The following KBTBD2 variants were observed in gnomAD, a reference collection of about 807,000 sequenced individuals.
The protein encoded by KBTBD2 is kelch repeat and BTB domain containing 2.
In KBTBD2, 17 loss-of-function variants were observed where a neutral mutation model predicts 57.1. That is an observed-to-expected ratio of 0.30 (90% CI 0.20 to 0.45). The LOEUF (loss-of-function observed/expected upper bound fraction) is 0.45. Ranked by LOEUF, KBTBD2 falls within the 20% of genes least tolerant of loss-of-function variation. KBTBD2 has a pLI of 1.00. For synonymous variants in KBTBD2, 267 were observed against 262.7 expected (o/e 1.02, Z -0.16); for missense variants, 515 against 750.6 (o/e 0.69, Z 3.67).
intron 1 of KBTBD2, among the ~76,000 whole-genome samples, chr7:32,886,905 A>G (rs1233685992): frequency 1.3e-5 from 2 of 152,014 alleles, no homozygotes; most frequent in Non-Finnish European, 2.9e-5. Context: ...GAAATTTTTA[A>G]AAAATCCCAA....
chr7:32,890,942 A>G (rs1222194147), intron 1 of KBTBD2: 1 of 152,260 alleles, frequency 6.6e-6, no homozygotes, highest in Non-Finnish European at 1.5e-5. Context: ...GGTCGAATTC[A>G]AGGAAGTTAA....
chr7:32,876,232 T>C (rs1784308398), intron 2 of KBTBD2, among the ~76,000 whole-genome samples: 2 of 152,166 alleles, frequency 1.3e-5, no homozygotes, highest in African/African-American at 4.8e-5. Context: ...CGGTCAACAG[T>C]GAGTGTCACA....
At chr7:32,885,909 CTT>C (rs10671216) in intron 1 of KBTBD2, among the ~76,000 whole-genome samples, 1 of 141,604 alleles carries the variant, frequency 7.1e-6, no homozygotes, top group Non-Finnish European at 1.5e-5. Context: ...TGTCTACACA[CTT>C]TTTTTTTTTT....
chr7:32,879,752 T>C lies in KBTBD2; in HGVS notation c.-148A>G, dbSNP rs531871059. On this transcript the variant is annotated 5_prime_UTR_variant, in exon 2 of 4. Transcript: ENST00000304056. ...CAAGACTGACACATTCACTAATGAG[T>C]AATATCTTGTTACACAGACTTAGAA... The C allele has an allele frequency of 2.1e-5, 13 of 632,768 alleles. No homozygotes were observed. Among genetic ancestry groups the C allele is most frequent in the Non-Finnish European group, 3.6e-5 (13 of 362,944 alleles). The allele number at this position is 632,768 out of a possible 1,614,324, so 39.2% of individuals were successfully genotyped here. A position where few individuals can be genotyped will look rare whatever the true frequency, so the allele number is the denominator to read the frequency against.
Position 32,891,592 on chromosome 7 carries a change from C to G in KBTBD2, c.-395G>C, listed in dbSNP as rs1784744660. The G allele has an allele frequency of 1.3e-5, 2 of 150,554 alleles. No homozygotes were observed. The highest frequency in any genetic ancestry group is 1.3e-4 in the Admixed American group (2 of 15,160). The allele number at this position is 150,554 out of a possible 1,614,324, so 9.3% of individuals were successfully genotyped here. On this transcript the variant is annotated 5_prime_UTR_variant, in exon 1 of 4. Transcript: ENST00000304056. ...GCTCCAGCCGGTGGCCCCGTCCACA[C>G]TGGGCCCCTCCGGCGCGGCGGCGGG...
chr7:32,888,496 A>G (rs1350873831), intron 1 of KBTBD2, among the ~76,000 whole-genome samples: 1 of 152,162 alleles, frequency 6.6e-6, no homozygotes, highest in African/African-American at 2.4e-5. Flanking sequence ...TAGATTGTCA[A>G]CTGCTACACA....
rs1784405202 is a variant in KBTBD2, at chr7:32,879,869, C to T, written c.-265G>A. The T allele has an allele frequency of 2.8e-6, 1 of 352,058 alleles. No homozygotes were observed. 21.8% of individuals were successfully genotyped at this position (352,058 alleles called of 1,614,324 possible). A position where few individuals can be genotyped will look rare whatever the true frequency, so the allele number is the denominator to read the frequency against. On this transcript the variant is annotated 5_prime_UTR_variant, in exon 2 of 4. It removes an upstream start codon present in the reference 5' UTR. Transcript: ENST00000304056. ...TGCTCAAATCTGCAATTGTGCAGCT[C>T]ATGAGTGAAAGAGAAAAATACACGA...
intron 1 of KBTBD2, 54 bp from the exon 2 acceptor site, chr7:32,879,996 A>G (rs1224952863): frequency 1.3e-5 from 2 of 155,770 alleles, no homozygotes; most frequent in African/African-American, 2.4e-5. Context: ...GTTTTAGAAT[A>G]TAACGTTTAA....
chr7:32,881,951 G>A (rs1197911322), intron 1 of KBTBD2, among the ~76,000 whole-genome samples: 1 of 152,162 alleles, frequency 6.6e-6, no homozygotes, highest in Non-Finnish European at 1.5e-5. Context: ...CTCTCAAGAA[G>A]TCTCAGGTAG....
chr7:32,886,182 T>C (rs770412720), intron 1 of KBTBD2, among the ~76,000 whole-genome samples: 1 of 152,180 alleles, frequency 6.6e-6, no homozygotes, highest in African/African-American at 2.4e-5. Flanking sequence ...AGTGCTAGGA[T>C]TACAGGCATG....
chr7:32,891,290 C>T (rs1784732207), intron 1 of KBTBD2: 1 of 148,798 alleles, frequency 6.7e-6, no homozygotes, highest in African/African-American at 2.4e-5. Context: ...CGCCCCTTCC[C>T]CGCGGACCTG....
In KBTBD2 at chr7:32,880,703, A is replaced by T. The variant is rs115441351; in HGVS notation, c.-338-761T>A. ...AGGGATTTATCTGGAAGAATGCACA[A>T]AGGTTGCTAAGATATTTGAGGGGAA... is the stretch of plus-strand genomic sequence containing the variant. On this transcript the variant is annotated intron_variant, in intron 1 of 3. Transcript: ENST00000304056. Among the ~76,000 whole-genome samples the T allele has an allele frequency of 1.4e-3, 220 of 152,356 alleles. 1 individual carries two copies. Among genetic ancestry groups the T allele is most frequent in the African/African-American group, 5.1e-3 (213 of 41,588 alleles).
chr7:32,890,186 G>A (rs1388407512), intron 1 of KBTBD2, among the ~76,000 whole-genome samples: 2 of 152,172 alleles, frequency 1.3e-5, no homozygotes, highest in African/African-American at 2.4e-5. Context: ...CAGCACTCCC[G>A]AGTTACTGAC....
rs78061366 is a variant in KBTBD2 at position 32,869,220 on chromosome 7, T to A, written c.*125A>T. 5,869 of 663,474 alleles carry A rather than the reference T, an allele frequency of 8.8e-3. 59 individuals are homozygous for A. Among genetic ancestry groups the A allele is most frequent in the Non-Finnish European group, 0.011 (4,222 of 396,516 alleles). 41.1% of individuals were successfully genotyped at this position (663,474 alleles called of 1,614,324 possible). On this transcript the variant is annotated 3_prime_UTR_variant, in exon 4 of 4. Coordinates refer to ENST00000304056, the MANE Select transcript of KBTBD2 (RefSeq NM_015483.3). The stretch of plus-strand genomic sequence containing the variant: ...ACTGATGCAAATATTAAGTAGGGCA[T>A]AAAAATAAAATTTATCAAAGATAGA...
chr7:32,873,225 T>G (rs1346816358), intron 3 of KBTBD2, among the ~76,000 whole-genome samples: 1 of 152,144 alleles, frequency 6.6e-6, no homozygotes, highest in Non-Finnish European at 1.5e-5. Flanking sequence ...TAAAACAGTT[T>G]GTCATACATA....
chr7:32,874,899 A>G (rs1784272805), intron 3 of KBTBD2, 93 bp downstream of exon 3: 1 of 968,616 alleles, frequency 1.0e-6, no homozygotes. Flanking sequence ...TGAACCTGGG[A>G]GGCGGAGGTT....
intron 2 of KBTBD2, 114 bp downstream of exon 2, chr7:32,879,321 A>G (rs1784393260): frequency 1.4e-6 from 1 of 689,870 alleles, no homozygotes; most frequent in East Asian, 2.7e-5. Context: ...CAAGTACTAC[A>G]TCATCTGAAT....
rs1437679581 is a variant in KBTBD2, at chr7:32,891,595, GGCCCCTCCGGCGCGGCGGCGGGGGCGT to G, written c.-425_-399del. On this transcript the variant is annotated 5_prime_UTR_variant, in exon 1 of 4. Transcript: ENST00000304056. ...CCAGCCGGTGGCCCCGTCCACACTG[GGCCCCTCCGGCGCGGCGGCGGGGGCGT>G]GGCCCTCCCGCCGCGGCCTCGCCTG... 1.3e-5 allele frequency: 2 copies of G among 150,050 alleles called. No individual in the cohort carries two copies. The highest frequency in any genetic ancestry group is 2.0e-4 in the East Asian group (1 of 5,024). 9.3% of individuals were successfully genotyped at this position (150,050 alleles called of 1,614,324 possible).
chr7:32,874,865 G>A (rs889719984), intron 3 of KBTBD2, 127 bp downstream of exon 3: 6 of 692,072 alleles, frequency 8.7e-6, no homozygotes, highest in Non-Finnish European at 1.4e-5. Context: ...CAGCTACTCA[G>A]GAGGCTGAGG....
Sources: gnomAD v4.1 joint callset for allele counts (sites outside exome capture counted in the v4.1 genomes callset) on GRCh38, gnomAD v4.1.1 for gene constraint, MANE v1.5 for transcripts, NCBI Gene and HGNC (gene_info 2026-07-23, HGNC 2026-07-21) for gene names.